XXYLT1: variants seen among roughly 807,000 people sequenced by gnomAD.
The protein encoded by XXYLT1 is xyloside xylosyltransferase 1.
XXYLT1 carries 20 observed loss-of-function variants against 28.9 expected under a neutral mutation model. The observed-to-expected ratio is 0.69, with a 90% CI of 0.49 to 1.00. The LOEUF is 1.00. XXYLT1 is among the 50% of genes least tolerant of loss of function. The pLI, the probability that XXYLT1 is intolerant of heterozygous loss-of-function variation, is 0.00. For synonymous variants in XXYLT1, 257 were observed against 253.8 expected (o/e 1.01, Z -0.12); for missense variants, 542 against 560.1 (o/e 0.97, Z 0.33).
intron 1 of XXYLT1, among the ~76,000 whole-genome samples, chr3:195,249,865 A>AG (rs1725184195): frequency 1.3e-5 from 2 of 152,170 alleles, no homozygotes; most frequent in African/African-American, 4.8e-5. Context: ...CCAACCTAGT[A>AG]GCGGCCCTTT....
At chr3:195,079,235 G>A (rs894280362) in intron 3 of XXYLT1, among the ~76,000 whole-genome samples, 1 of 152,174 alleles carries the variant, frequency 6.6e-6, no homozygotes, top group Non-Finnish European at 1.5e-5. Flanking sequence ...GATGGAGACG[G>A]GGAAGCCACA....
chr3:195,231,715 T>A (rs1212361429), intron 1 of XXYLT1, among the ~76,000 whole-genome samples: 1 of 152,160 alleles, frequency 6.6e-6, no homozygotes, highest in Non-Finnish European at 1.5e-5. Flanking sequence ...ACCATTCTTG[T>A]ATCCTTGGGA....
At position 195,068,496 on chromosome 3, in the gene XXYLT1, CAAAG is replaced by C. The variant is rs1461245208; in HGVS notation, c.*1215_*1218del. On this transcript the variant is annotated 3_prime_UTR_variant, in exon 4 of 4. Coordinates refer to ENST00000310380, the MANE Select transcript of XXYLT1 (RefSeq NM_152531.5). ...TGGTATGATAAGGGGATTTTTTAAACAAAGAAACTAGAATGCTTACTAGCCCATG... is the reference window on the plus strand; with the variant it reads ...TGGTATGATAAGGGGATTTTTTAAACAAACTAGAATGCTTACTAGCCCATG... 6.6e-6 allele frequency: 1 copy of C among 151,730 alleles called. No individual in the cohort carries two copies. The highest frequency in any genetic ancestry group is 1.5e-5 in the Non-Finnish European group (1 of 67,956). The allele number at this position is 151,730 out of a possible 1,614,324, so 9.4% of individuals were successfully genotyped here.
intron 3 of XXYLT1, among the ~76,000 whole-genome samples, chr3:195,114,119 T>C (rs1005639886): frequency 1.3e-5 from 2 of 152,300 alleles, no homozygotes; most frequent in Admixed American, 1.3e-4. Flanking sequence ...CAAGATTCAA[T>C]TAAGGAAGCA....
intron 3 of XXYLT1, among the ~76,000 whole-genome samples, chr3:195,135,431 T>A (rs2108637179): frequency 6.6e-6 from 1 of 152,270 alleles, no homozygotes; most frequent in African/African-American, 2.4e-5. Flanking sequence ...CAGGGAGGTT[T>A]GTTCAGCATT....
Position 195,124,492 on chromosome 3 carries a change from G to A in XXYLT1, c.785+31957C>T, listed in dbSNP as rs75837060. On this transcript the variant is annotated intron_variant, in intron 3 of 3. Coordinates refer to ENST00000310380, the MANE Select transcript of XXYLT1 (RefSeq NM_152531.5). The surrounding 1 kb of genome is among the most constrained non-coding windows in gnomAD (Gnocchi z 4.1). ...TAACTTTGTTTTCCCCTGATAATTT[G>A]TCTAGTGTTTCTAGGCCTCCCCCTC... 1.3e-5 allele frequency among the ~76,000 whole-genome samples: 2 copies of A among 152,288 alleles called. No homozygotes were observed. The highest frequency in any genetic ancestry group is 3.9e-4 in the East Asian group (2 of 5,190).
intron 2 of XXYLT1, among the ~76,000 whole-genome samples, chr3:195,220,683 C>T (rs567670913): frequency 2.3e-4 from 35 of 152,288 alleles, no homozygotes; most frequent in Non-Finnish European, 4.0e-4. Context: ...CTCACAGCCC[C>T]GAGCAGTACA....
Position 195,143,800 on chromosome 3 carries a change from A to ATATC in XXYLT1, c.785+12648_785+12649insGATA, listed in dbSNP as rs1719626719. 8.1e-4 allele frequency among the ~76,000 whole-genome samples: 53 copies of ATATC among 65,720 alleles called. 2 individuals carry two copies. Among genetic ancestry groups the ATATC allele is most frequent in the Non-Finnish European group, 1.4e-3 (46 of 33,062 alleles). The allele number at this position is 65,720 out of a possible 152,430, so 43.1% of individuals were successfully genotyped here. A position where few individuals can be genotyped will look rare whatever the true frequency, so the allele number is the denominator to read the frequency against. On this transcript the variant is annotated intron_variant, in intron 3 of 3. Coordinates refer to ENST00000310380, the MANE Select transcript of XXYLT1 (RefSeq NM_152531.5). ...GTTCTCTCATTATATATATATATAT[A>ATATC]GATAGATATATATAGATATAGATAT...
intron 3 of XXYLT1, among the ~76,000 whole-genome samples, chr3:195,136,280 A>T (rs947276954): frequency 1.3e-5 from 2 of 152,206 alleles, no homozygotes; most frequent in Non-Finnish European, 2.9e-5. Context: ...ATAGGTTTGA[A>T]TGAAAAGACT....
chr3:195,091,037 A>G (rs1716103964), intron 3 of XXYLT1, among the ~76,000 whole-genome samples: 1 of 150,922 alleles, frequency 6.6e-6, no homozygotes, highest in Non-Finnish European at 1.5e-5. Context: ...AATAATCAAT[A>G]GCTTACCAAT....
intron 1 of XXYLT1, among the ~76,000 whole-genome samples, chr3:195,267,445 G>A (rs1298055811): frequency 6.6e-6 from 1 of 152,158 alleles, no homozygotes; most frequent in Admixed American, 6.5e-5. Flanking sequence ...GAAAGCCTTG[G>A]GCGAGTTTCC....
chr3:195,101,384 G>C (rs747046457), intron 3 of XXYLT1, among the ~76,000 whole-genome samples: 4 of 152,136 alleles, frequency 2.6e-5, no homozygotes, highest in African/African-American at 9.7e-5. Context: ...TTACTCTCAG[G>C]GCATCATGAT....
intron 3 of XXYLT1, among the ~76,000 whole-genome samples, chr3:195,075,505 C>T (rs1297681172): frequency 6.6e-6 from 1 of 152,234 alleles, no homozygotes; most frequent in African/African-American, 2.4e-5. Context: ...GAAAAGGGAA[C>T]TGCTGCCTCC....
At chr3:195,161,531 C>T (rs9835446) in intron 2 of XXYLT1, among the ~76,000 whole-genome samples, 26,272 of 152,032 alleles carry the variant, frequency 0.17, 2,548 homozygotes, top group East Asian at 0.42. Context: ...TTGGGATTCT[C>T]TTTCATTGAC....
chr3:195,184,523 G>A (rs1722091682), intron 2 of XXYLT1: 2 of 760,908 alleles, frequency 2.6e-6, no homozygotes, highest in Non-Finnish European at 3.2e-6. Flanking sequence ...CCATACCTCA[G>A]ACTATCTTAA....
chr3:195,088,372 T>TGACCCCA (rs1715910620), intron 3 of XXYLT1, among the ~76,000 whole-genome samples: 2 of 147,236 alleles, frequency 1.4e-5, no homozygotes, highest in Non-Finnish European at 3.0e-5. Flanking sequence ...AGTGGGTCCC[T>TGACCCCA]GACCCCTGAC....
Position 195,106,291 on chromosome 3 carries a change from CGGAGAGATGCTCTTGTTGTGTTTTTGAT to C in XXYLT1, c.786-36208_786-36181del, listed in dbSNP as rs1358189505. ...AGAGATGCTCTTGCTGTGTTTTTGACGGAGAGATGCTCTTGTTGTGTTTTTGATGGAGAGATGCTCTTGTTGTGTTTTT... is the reference window on the plus strand; with the variant it reads ...AGAGATGCTCTTGCTGTGTTTTTGACGGAGAGATGCTCTTGTTGTGTTTTT... On this transcript the variant is annotated intron_variant, in intron 3 of 3. Transcript: ENST00000310380. 6.8e-3 allele frequency among the ~76,000 whole-genome samples: 1,013 copies of C among 148,220 alleles called. 64 individuals carry two copies. The East Asian group carries it at 0.11, about 16-fold the overall frequency.
intron 2 of XXYLT1, among the ~76,000 whole-genome samples, chr3:195,220,600 C>G (rs1560159534): frequency 6.6e-6 from 1 of 152,150 alleles, no homozygotes. Context: ...ACCAATCCCC[C>G]TTTCAGCCTG....
At chr3:195,199,610 C>CAAA (rs1484040956) in intron 2 of XXYLT1, among the ~76,000 whole-genome samples, 5 of 149,260 alleles carry the variant, frequency 3.3e-5, no homozygotes, top group African/African-American at 1.3e-4. Context: ...GACTCGGTCT[C>CAAA]AAAAGAAAAA....
Sources: allele counts gnomAD v4.1 joint callset (sites outside exome capture counted in the v4.1 genomes callset), GRCh38; gene constraint gnomAD v4.1.1; non-coding constraint Gnocchi (gnomAD v3.1); transcripts MANE v1.5; gene names NCBI Gene and HGNC (gene_info 2026-07-23, HGNC 2026-07-21).